The following PBRM1 variants were observed in gnomAD, a reference collection of about 807,000 sequenced individuals.
PBRM1 encodes the protein protein polybromo-1.
PBRM1 carries 27 observed loss-of-function variants against 194.5 expected under a neutral mutation model. The ratio of observed to expected loss-of-function variants is 0.14; its 90% confidence interval spans 0.10 to 0.19. PBRM1 has a LOEUF of 0.19. Among genes scored for constraint, PBRM1 ranks in the 10% least tolerant of loss-of-function variants. PBRM1 has a pLI of 1.00. For missense variants in PBRM1, 1,466 were observed against 2,077.2 expected (o/e 0.71, Z 5.72); for synonymous variants, 655 against 693.2 (o/e 0.94, Z 0.87).
chr3:52,638,793 C>G (rs1209813818), intron 10 of PBRM1, among the ~76,000 whole-genome samples: 1 of 151,594 alleles, frequency 6.6e-6, no homozygotes, highest in Non-Finnish European at 1.5e-5. Flanking sequence ...GAGATGAGGT[C>G]TCGCTATGTT....
chr3:52,593,872 C>T (rs2093332360), intron 17 of PBRM1, among the ~76,000 whole-genome samples: 1 of 152,026 alleles, frequency 6.6e-6, no homozygotes, highest in Non-Finnish European at 1.5e-5. Flanking sequence ...GAGTATGTCC[C>T]ATGTGGTAAT....
At chr3:52,601,665 G>A (rs2094002838) in intron 17 of PBRM1, among the ~76,000 whole-genome samples, 1 of 152,124 alleles carries the variant, frequency 6.6e-6, no homozygotes, top group African/African-American at 2.4e-5. Flanking sequence ...AGGGGGCCAT[G>A]CTTTGGGCCC....
intron 15 of PBRM1, among the ~76,000 whole-genome samples, chr3:52,612,842 T>G (rs1230777309): frequency 2.0e-5 from 3 of 148,218 alleles, no homozygotes; most frequent in African/African-American, 7.5e-5. Context: ...GGAGACGGAG[T>G]CTGTAGTGAG....
chr3:52,580,417 GGCGC>G (rs2090831616), intron 20 of PBRM1, among the ~76,000 whole-genome samples: 1 of 152,102 alleles, frequency 6.6e-6, no homozygotes, highest in Admixed American at 6.6e-5. Context: ...GGAGTGCAGT[GGCGC>G]GATATTGGCT....
At chr3:52,635,970 T>C (rs1201901972) in intron 10 of PBRM1, among the ~76,000 whole-genome samples, 1 of 152,138 alleles carries the variant, frequency 6.6e-6, no homozygotes, top group Non-Finnish European at 1.5e-5. Flanking sequence ...TTCAAATGAT[T>C]CTCCTGCCTC....
intron 6 of PBRM1, among the ~76,000 whole-genome samples, chr3:52,650,646 T>C (rs1237044392): frequency 6.6e-6 from 1 of 152,134 alleles, no homozygotes; most frequent in African/African-American, 2.4e-5. Context: ...GTAACTCACA[T>C]TTATGAGGAC....
chr3:52,576,773 A>C (rs145951051), intron 21 of PBRM1, 75 bp from the exon 24 acceptor site: 119 of 1,169,012 alleles, frequency 1.0e-4, no homozygotes, highest in Non-Finnish European at 1.4e-4. Flanking sequence ...AAATCGCATT[A>C]ACCAAAAACT....
Position 52,638,547 on chromosome 3 carries a change from C to T in PBRM1, c.1087+3407G>A, listed in dbSNP as rs56273828. Among the ~76,000 whole-genome samples the T allele has an allele frequency of 4.6e-4, 70 of 151,568 alleles. 1 individual carries two copies. The highest frequency in any genetic ancestry group is 1.4e-3 in the African/African-American group (56 of 41,324). On this transcript the variant is annotated intron_variant, in intron 10 of 29. Transcript: ENST00000296302. ...CTAATTTTTCTATTTTTAGTAGAGA[C>T]GGGGATTCACCATGTTGGTCAGGCT... is the stretch of plus-strand genomic sequence containing the variant.
chr3:52,627,477 C>T (rs1229159098), intron 12 of PBRM1, 107 bp from the exon 14 acceptor site: 2 of 650,558 alleles, frequency 3.1e-6, no homozygotes, highest in African/African-American at 3.6e-5. Flanking sequence ...AAAATACAAT[C>T]ACATGCAGGA....
chr3:52,610,260 A>G (rs1370143843), intron 15 of PBRM1, among the ~76,000 whole-genome samples: 1 of 152,210 alleles, frequency 6.6e-6, no homozygotes, highest in South Asian at 2.1e-4. Flanking sequence ...TGAGATTTTC[A>G]TCATGGGATA....
chr3:52,586,825 A>G (rs946035966), intron 19 of PBRM1, 137 bp from the exon 22 acceptor site: 3 of 642,414 alleles, frequency 4.7e-6, no homozygotes, highest in African/African-American at 3.7e-5. Context: ...CTGGCAGTTA[A>G]CAAAAAATAA....
intron 17 of PBRM1, among the ~76,000 whole-genome samples, chr3:52,597,725 G>T (rs1576432635): frequency 6.6e-6 from 1 of 152,038 alleles, no homozygotes; most frequent in African/African-American, 2.4e-5. Flanking sequence ...CAGCTACTCG[G>T]GAGAGTCTCA....
intron 13 of PBRM1, among the ~76,000 whole-genome samples, chr3:52,618,825 C>G (rs185980347): frequency 1.0e-3 from 159 of 152,160 alleles, no homozygotes; most frequent in African/African-American, 3.6e-3. Context: ...GATCTCTGCT[C>G]ACCGCAACCT....
chr3:52,625,166 T>TTA (rs1476582609), intron 13 of PBRM1, among the ~76,000 whole-genome samples: 1 of 152,148 alleles, frequency 6.6e-6, no homozygotes, highest in African/African-American at 2.4e-5. Context: ...TTCTTTAGTA[T>TTA]TAAAAAAAAG....
intron 3 of PBRM1, among the ~76,000 whole-genome samples, chr3:52,662,896 A>C (rs2096755240): frequency 1.3e-5 from 2 of 152,000 alleles, no homozygotes; most frequent in African/African-American, 2.4e-5. Flanking sequence ...AAGACAACTT[A>C]AAGGATAAGA....
intron 27 of PBRM1, among the ~76,000 whole-genome samples, chr3:52,552,181 C>T (rs2081139285): frequency 6.6e-6 from 1 of 152,190 alleles, no homozygotes; most frequent in African/African-American, 2.4e-5. Flanking sequence ...GTGCCCATCA[C>T]CTCCCTGTGC....
chr3:52,594,140 C>T (rs769544820), intron 17 of PBRM1, among the ~76,000 whole-genome samples: 2 of 152,142 alleles, frequency 1.3e-5, no homozygotes, highest in Non-Finnish European at 2.9e-5. Context: ...TCTTGGCCTC[C>T]CACAGTGTTG....
intron 22 of PBRM1, among the ~76,000 whole-genome samples, chr3:52,573,718 A>G (rs1421327006): frequency 6.6e-6 from 1 of 152,242 alleles, no homozygotes. Flanking sequence ...AAAGCAGAAT[A>G]AACTTTATTG....
At chr3:52,682,607 T>C (rs2097223077), upstream of PBRM1, among the ~76,000 whole-genome samples, 1 of 152,200 alleles carries the variant, frequency 6.6e-6, no homozygotes. Context: ...CATTTTAAAA[T>C]GTATTTTGAA....
Sources: allele counts gnomAD v4.1 joint callset (sites outside exome capture counted in the v4.1 genomes callset), GRCh38; gene constraint gnomAD v4.1.1; transcripts MANE v1.5; gene names NCBI Gene and HGNC (gene_info 2026-07-23, HGNC 2026-07-21).